CHRDL1: variants seen among roughly 807,000 people sequenced by gnomAD.
CHRDL1 encodes chordin-like protein 1.
A neutral mutation model predicts 40.9 loss-of-function variants in CHRDL1; 19 were observed. The ratio of observed to expected loss-of-function variants is 0.46; its 90% CI spans 0.32 to 0.68. The LOEUF is 0.68. CHRDL1 is among the 30% of genes least tolerant of loss of function. The probability of loss-of-function intolerance (pLI) is 0.03; values close to 1 mark genes in which losing one functional copy is unlikely to be tolerated. For synonymous variants in CHRDL1, 136 were observed against 123.4 expected (o/e 1.10, Z -0.68); for missense variants, 329 against 352.1 (o/e 0.93, Z 0.53).
At chrX:110,780,141 T>A (rs1420973481) in intron 2 of CHRDL1, among the ~76,000 whole-genome samples, 1 of 111,113 alleles carries the variant, frequency 9.0e-6, no homozygotes, top group African/African-American at 3.3e-5. Context: ...AAGGTAATAC[T>A]GTTTTTTCCT....
intron 7 of CHRDL1, among the ~76,000 whole-genome samples, chrX:110,695,693 T>A (rs997318785): frequency 3.7e-5 from 3 of 81,402 alleles, no homozygotes; most frequent in Non-Finnish European, 7.0e-5. Flanking sequence ...AGTTATGGGG[T>A]CCCCTGACCA....
chrX:110,748,923 CT>C (rs781290050), intron 4 of CHRDL1, among the ~76,000 whole-genome samples: 11 of 111,221 alleles, frequency 9.9e-5, no homozygotes, highest in African/African-American at 3.6e-4. Flanking sequence ...CTTAATGTTA[CT>C]GAACTGTACA....
chrX:110,760,038 C>G (rs1268113608), intron 3 of CHRDL1, among the ~76,000 whole-genome samples: 1 of 112,012 alleles, frequency 8.9e-6, no homozygotes, highest in African/African-American at 3.2e-5. Flanking sequence ...GGCTCCATGG[C>G]ATTTCTACCA....
intron 11 of CHRDL1, among the ~76,000 whole-genome samples, chrX:110,676,925 C>A (rs1406272993): frequency 9.0e-6 from 1 of 111,036 alleles, no homozygotes. Flanking sequence ...CCTTATACCC[C>A]CTTAGCACCC....
intron 4 of CHRDL1, among the ~76,000 whole-genome samples, chrX:110,757,325 C>T (rs1330328479): frequency 2.7e-5 from 3 of 109,813 alleles, no homozygotes; most frequent in East Asian, 5.7e-4. Flanking sequence ...AATAATCAAA[C>T]TTACACATCT....
intron 4 of CHRDL1, among the ~76,000 whole-genome samples, chrX:110,757,789 T>C (rs963697296): frequency 1.5e-4 from 17 of 111,989 alleles, no homozygotes; most frequent in South Asian, 7.5e-4. Context: ...CTTTCACCTC[T>C]GGAATTTTTG....
At chrX:110,695,018 G>C (rs2070357641) in intron 7 of CHRDL1, among the ~76,000 whole-genome samples, 1 of 111,031 alleles carries the variant, frequency 9.0e-6, no homozygotes, top group African/African-American at 3.3e-5. Flanking sequence ...GGCATAGAAG[G>C]CTTTGAGGGA....
At chrX:110,704,950 A>G (rs1773215012) in intron 6 of CHRDL1, among the ~76,000 whole-genome samples, 1 of 111,469 alleles carries the variant, frequency 9.0e-6, no homozygotes, top group Non-Finnish European at 1.9e-5. Context: ...TGGTATTGAC[A>G]TAAAATGTTT....
chrX:110,766,584 A>T (rs1417895537), intron 2 of CHRDL1, among the ~76,000 whole-genome samples: 1 of 111,627 alleles, frequency 9.0e-6, no homozygotes. Context: ...AAACTAGGAA[A>T]CCTAGAAGAG....
At chrX:110,713,420 G>A (rs2070779790) in intron 6 of CHRDL1, among the ~76,000 whole-genome samples, 1 of 112,162 alleles carries the variant, frequency 8.9e-6, no homozygotes, top group South Asian at 3.7e-4. Flanking sequence ...CCTAGAGTGA[G>A]AGAAGGGTAA....
At chrX:110,745,795 T>G (rs932228035) in intron 4 of CHRDL1, among the ~76,000 whole-genome samples, 2 of 112,133 alleles carry the variant, frequency 1.8e-5, no homozygotes, top group African/African-American at 6.5e-5. Flanking sequence ...AAGCTTATAC[T>G]CTGTAAATGT....
intron 6 of CHRDL1, among the ~76,000 whole-genome samples, chrX:110,717,077 C>A (rs1321601404): frequency 9.0e-6 from 1 of 111,541 alleles, no homozygotes; most frequent in Non-Finnish European, 1.9e-5. Flanking sequence ...AAAACAAATC[C>A]TTGGTTCCAG....
rs2089527125 is a variant in CHRDL1 at position 110,759,727 on chromosome X, T to C, written c.235A>G (p.Arg79Gly). Residue 79 changes from arginine (R) to glycine (G), a missense_variant, in exon 4 of 12, where the codon AGA (arginine) becomes GGA (glycine). Transcript: ENST00000372042. The part of the protein sequence containing the change: ...ENGNVLCSRV[R>G]CPNVHCLSPV... Reference sequence around the variant, plus strand: ...GAAAGGCAATGAACATTTGGACATCTGACTCGGCTGCAAAGCACATTCCCA... The same window carrying C: ...GAAAGGCAATGAACATTTGGACATCCGACTCGGCTGCAAAGCACATTCCCA... The C allele has an allele frequency of 8.3e-7, 1 of 1,201,068 alleles. No homozygotes were observed. The highest frequency in any genetic ancestry group is 1.1e-6 in the Non-Finnish European group (1 of 885,948).
intron 4 of CHRDL1, among the ~76,000 whole-genome samples, chrX:110,747,457 C>T (rs1052216676): frequency 1.2e-4 from 12 of 102,470 alleles, no homozygotes; most frequent in African/African-American, 3.3e-4. Context: ...TCAAGAAGAC[C>T]AAAACAATGC....
intron 2 of CHRDL1, among the ~76,000 whole-genome samples, chrX:110,769,491 A>AG (rs1386387427): frequency 1.8e-5 from 2 of 112,797 alleles, no homozygotes; most frequent in Non-Finnish European, 3.7e-5. Context: ...ATCTAAGTAC[A>AG]GAAATAGGCA....
chrX:110,772,827 A>C (rs1226238053), intron 2 of CHRDL1, among the ~76,000 whole-genome samples: 1 of 112,906 alleles, frequency 8.9e-6, no homozygotes, highest in Non-Finnish European at 1.9e-5. Context: ...ATGCTGCCTA[A>C]ATATTTGGAT....
chrX:110,752,376 T>G (rs749855300), intron 4 of CHRDL1, among the ~76,000 whole-genome samples: 1 of 112,423 alleles, frequency 8.9e-6, no homozygotes, highest in East Asian at 2.8e-4. Context: ...CAAATGCTAC[T>G]TTCTTGAAGA....
rs915103864 is a variant in CHRDL1 at position 110,719,843 on chromosome X, A to G, written c.533T>C (p.Val178Ala). The stretch of plus-strand genomic sequence containing the variant: ...GGATATAACACACCTACCTCTGCAT[A>G]CCCGGCAGCAGGAATCTGGAACAGA... ...PVSVPDSCCR[V>A]CRGDGELSWE... Residue 178 changes from valine (V) to alanine (A), a missense_variant, in exon 6 of 12, where the codon GTA becomes GCA. Coordinates refer to ENST00000372042, the MANE Select transcript of CHRDL1 (RefSeq NM_001143981.2). The G allele has an allele frequency of 8.4e-7, 1 of 1,195,562 alleles. No individual in the cohort carries two copies. The highest frequency in any genetic ancestry group is 1.8e-5 in the African/African-American group (1 of 56,532).
chrX:110,729,292 A>G (rs941514289), intron 4 of CHRDL1, among the ~76,000 whole-genome samples: 7 of 111,298 alleles, frequency 6.3e-5, no homozygotes, highest in African/African-American at 2.3e-4. Flanking sequence ...CAGTTGAATC[A>G]ATGATGCCTA....
Sources: allele counts gnomAD v4.1 joint callset (sites outside exome capture counted in the v4.1 genomes callset), GRCh38; gene constraint gnomAD v4.1.1; transcripts MANE v1.5; gene names NCBI Gene and HGNC (gene_info 2026-07-23, HGNC 2026-07-21).